Variants in DRC8 observed in about 807,000 individuals in gnomAD.
DRC8 encodes dynein regulatory complex subunit 8.
At chr1:245,110,544 G>C in the DRC8 span, among the ~76,000 whole-genome samples, 2 of 152,270 alleles carry the variant, frequency 1.3e-5, no homozygotes, top group African/African-American at 4.8e-5. Flanking sequence ...GGGCAGGAAA[G>C]AAATAAGAAC....
At chr1:245,056,126 G>A in the DRC8 span, among the ~76,000 whole-genome samples, 1 of 152,244 alleles carries the variant, frequency 6.6e-6, no homozygotes, top group East Asian at 1.9e-4. Flanking sequence ...ACTTCCTCCA[G>A]CCTTTGCCCC....
the DRC8 span, among the ~76,000 whole-genome samples, chr1:245,053,848 T>C: frequency 6.6e-6 from 1 of 151,924 alleles, no homozygotes; most frequent in Non-Finnish European, 1.5e-5. Context: ...GGAAATTTCC[T>C]ATGATAGGGA....
chr1:245,078,452 A>AAACAAAAGGTGTGT, the DRC8 span, among the ~76,000 whole-genome samples: 146,270 of 151,996 alleles, frequency 0.96, 70,569 homozygotes, highest in East Asian at 1. Context: ...ATGAGTGGAT[A>AAACAAAAGGTGTGT]GTATATGTAC....
chr1:245,019,210 A>C, the DRC8 span, among the ~76,000 whole-genome samples: 1 of 152,202 alleles, frequency 6.6e-6, no homozygotes, highest in Non-Finnish European at 1.5e-5. Flanking sequence ...TGTTAATTAA[A>C]GATGGTTACT....
the DRC8 span, among the ~76,000 whole-genome samples, chr1:245,008,512 A>C: frequency 6.6e-6 from 1 of 152,122 alleles, no homozygotes; most frequent in East Asian, 1.9e-4. Flanking sequence ...GATTTTAAAA[A>C]ATCTTTAATA....
At chr1:245,118,517 C>T in the DRC8 span, among the ~76,000 whole-genome samples, 9 of 152,118 alleles carry the variant, frequency 5.9e-5, no homozygotes, top group Admixed American at 4.6e-4. Context: ...GTAAGCCGGG[C>T]GCAGTGGCTC....
chr1:244,981,609 T>G, the DRC8 span, among the ~76,000 whole-genome samples: 2 of 152,188 alleles, frequency 1.3e-5, no homozygotes, highest in Non-Finnish European at 2.9e-5. Context: ...TTGGAAGTCA[T>G]CACTCCGGTT....
At chr1:245,116,114 C>T in the DRC8 span, among the ~76,000 whole-genome samples, 10 of 152,010 alleles carry the variant, frequency 6.6e-5, no homozygotes, top group African/African-American at 2.4e-4. Flanking sequence ...TCTCGAACTC[C>T]TGGCCTCAAG....
At chr1:245,109,194 C>T in the DRC8 span, among the ~76,000 whole-genome samples, 1 of 152,182 alleles carries the variant, frequency 6.6e-6, no homozygotes, top group African/African-American at 2.4e-5. Context: ...CTCCGACTCT[C>T]ATCAGGCAAT....
the DRC8 span, among the ~76,000 whole-genome samples, chr1:245,083,283 G>A: frequency 5.9e-5 from 9 of 152,158 alleles, no homozygotes; most frequent in Non-Finnish European, 1.3e-4. Flanking sequence ...AGGTGGAGCA[G>A]TTTCATCCCC....
chr1:245,014,787 G>A, the DRC8 span, among the ~76,000 whole-genome samples: 1 of 152,034 alleles, frequency 6.6e-6, no homozygotes, highest in African/African-American at 2.4e-5. Context: ...CTGAGCTTTG[G>A]TTTCTTTTTT....
the DRC8 span, among the ~76,000 whole-genome samples, chr1:245,076,111 T>C: frequency 3.3e-5 from 5 of 152,234 alleles, no homozygotes; most frequent in African/African-American, 1.2e-4. Flanking sequence ...GGCAAACTTC[T>C]GTATAAACAG....
At chr1:245,083,722 A>C in the DRC8 span, 1 of 1,577,934 alleles carries the variant, frequency 6.3e-7, no homozygotes, top group Non-Finnish European at 8.6e-7. Flanking sequence ...ACAATGACTT[A>C]TGTGAGGAAT....
the DRC8 span, among the ~76,000 whole-genome samples, chr1:245,088,495 C>A: frequency 6.6e-6 from 1 of 152,220 alleles, no homozygotes; most frequent in East Asian, 1.9e-4. The surrounding 1 kb of genome is among the most constrained non-coding windows in gnomAD (Gnocchi z 4.6). Context: ...GCTGTTCATT[C>A]ATTCATGAAA....
At chr1:244,978,250 T>C in the DRC8 span, among the ~76,000 whole-genome samples, 2 of 152,134 alleles carry the variant, frequency 1.3e-5, no homozygotes, top group Non-Finnish European at 2.9e-5. Flanking sequence ...TCTCAGCACT[T>C]TGGGAGGCTG....
chr1:245,087,339 G>T, the DRC8 span: 31 of 1,586,522 alleles, frequency 2.0e-5, no homozygotes, highest in Non-Finnish European at 2.5e-5. Flanking sequence ...ATATAACAAT[G>T]ATGGTGATAG....
the DRC8 span, among the ~76,000 whole-genome samples, chr1:244,986,755 A>G: frequency 6.6e-6 from 1 of 151,908 alleles, no homozygotes; most frequent in South Asian, 2.1e-4. Context: ...AAAAAAAAAA[A>G]AAAAAAAGAT....
the DRC8 span, among the ~76,000 whole-genome samples, chr1:245,041,892 C>T: frequency 1.3e-5 from 2 of 152,228 alleles, no homozygotes; most frequent in East Asian, 1.9e-4. Context: ...CAGAAGCAGC[C>T]GACCTGCTGA....
chr1:245,046,313 G>A, the DRC8 span, among the ~76,000 whole-genome samples: 1 of 151,788 alleles, frequency 6.6e-6, no homozygotes, highest in African/African-American at 2.4e-5. Flanking sequence ...CTCTTCAGCT[G>A]TCTCCCTTTG....
Sources: allele counts gnomAD v4.1 joint callset (sites outside exome capture counted in the v4.1 genomes callset), GRCh38; gene constraint gnomAD v4.1.1; non-coding constraint Gnocchi (gnomAD v3.1); transcripts MANE v1.5; gene names NCBI Gene and HGNC (gene_info 2026-07-23, HGNC 2026-07-21).